Variants in ERC2 observed in about 807,000 individuals in gnomAD.
ERC2 encodes the protein ELKS/RAB6-interacting/CAST family member 2.
ERC2 carries 42 observed loss-of-function variants against 114.8 expected under a neutral mutation model. That is an observed-to-expected ratio of 0.37 (90% CI 0.29 to 0.47). ERC2 has a LOEUF of 0.47. Among genes scored for constraint, ERC2 ranks in the 20% least tolerant of loss-of-function variants. ERC2 has a pLI of 0.99. For synonymous variants in ERC2, 454 were observed against 425.5 expected (o/e 1.07, Z -0.82); for missense variants, 939 against 1,150.7 (o/e 0.82, Z 2.66).
chr3:55,580,438 C>T (rs2057204229), intron 17 of ERC2, among the ~76,000 whole-genome samples: 1 of 152,136 alleles, frequency 6.6e-6, no homozygotes, highest in African/African-American at 2.4e-5. Context: ...CAAGAGAGAC[C>T]AAATGCATTT....
intron 6 of ERC2, among the ~76,000 whole-genome samples, chr3:56,093,810 T>C (rs1432265484): frequency 2.6e-5 from 4 of 152,156 alleles, no homozygotes; most frequent in Non-Finnish European, 5.9e-5. Flanking sequence ...GGTTGTTTAT[T>C]TGAAAAAAAG....
chr3:55,591,613 G>C (rs939912351), intron 17 of ERC2, among the ~76,000 whole-genome samples: 1 of 151,826 alleles, frequency 6.6e-6, no homozygotes, highest in Admixed American at 6.6e-5. Flanking sequence ...GCGCGCGTGT[G>C]GTTTTGACCA....
At chr3:56,463,781 ACT>A (rs2063422209) in intron 1 of ERC2, among the ~76,000 whole-genome samples, 1 of 151,854 alleles carries the variant, frequency 6.6e-6, no homozygotes, top group African/African-American at 2.4e-5. Context: ...TGCATCTCCA[ACT>A]CTCTCCCTGC....
chr3:56,456,017 G>A (rs1228255711), intron 1 of ERC2, among the ~76,000 whole-genome samples: 1 of 152,192 alleles, frequency 6.6e-6, no homozygotes, highest in Non-Finnish European at 1.5e-5. Flanking sequence ...GGAATTAGAG[G>A]GCTGTGGGGT....
intron 6 of ERC2, among the ~76,000 whole-genome samples, chr3:56,129,855 T>A (rs891626393): frequency 7.2e-5 from 11 of 152,198 alleles, no homozygotes; most frequent in Non-Finnish European, 1.5e-5. Flanking sequence ...AGATTTAATG[T>A]AGAAATTAAA....
intron 17 of ERC2, among the ~76,000 whole-genome samples, chr3:55,528,062 A>AG (rs1296792330): frequency 3.3e-5 from 5 of 152,238 alleles, no homozygotes; most frequent in African/African-American, 1.2e-4. Flanking sequence ...GGGCTTCATA[A>AG]GCAGCACTGA....
chr3:55,810,217 CAAAATATAAAGAT>C (rs2059662262), intron 14 of ERC2, among the ~76,000 whole-genome samples: 1 of 151,928 alleles, frequency 6.6e-6, no homozygotes, highest in Admixed American at 6.6e-5. Flanking sequence ...GAAGAAAATC[CAAAATATAAAGAT>C]AAGGAAAAAT....
chr3:56,420,490 C>A (rs536465258), intron 2 of ERC2, among the ~76,000 whole-genome samples: 14 of 152,034 alleles, frequency 9.2e-5, no homozygotes, highest in African/African-American at 2.7e-4. Context: ...ATTATACTTA[C>A]AACGAAAACC....
rs113564429 is a variant in ERC2 at position 55,864,184 on chromosome 3, C to CAT, written c.2564+24203_2564+24204dup. Among the ~76,000 whole-genome samples the CAT allele has an allele frequency of 2.3e-3, 305 of 134,308 alleles. 3 individuals carry two copies. Among genetic ancestry groups the CAT allele is most frequent in the South Asian group, 0.01 (44 of 4,244 alleles). 88.1% of individuals were successfully genotyped at this position (134,308 alleles called of 152,430 possible). A position where few individuals can be genotyped will look rare whatever the true frequency, so the allele number is the denominator to read the frequency against. On this transcript the variant is annotated intron_variant, in intron 14 of 17. Coordinates refer to ENST00000288221, the MANE Select transcript of ERC2 (RefSeq NM_015576.3). ...ATATATATACACATATATATATACA[C>CAT]ATATATATATACACATATATATACA...
intron 17 of ERC2, among the ~76,000 whole-genome samples, chr3:55,593,916 C>G (rs1412089810): frequency 6.6e-6 from 1 of 152,154 alleles, no homozygotes; most frequent in African/African-American, 2.4e-5. Flanking sequence ...CTCGACTCTC[C>G]ATCTTTTACC....
intron 2 of ERC2, among the ~76,000 whole-genome samples, chr3:56,340,396 G>T (rs1340380189): frequency 6.6e-6 from 1 of 152,124 alleles, no homozygotes; most frequent in East Asian, 1.9e-4. Flanking sequence ...TACCTCAGCA[G>T]GGTATCAAAA....
chr3:55,724,280 C>T (rs150280463), intron 15 of ERC2, among the ~76,000 whole-genome samples: 3 of 152,150 alleles, frequency 2.0e-5, no homozygotes, highest in East Asian at 3.9e-4. Context: ...CAGGTCATGG[C>T]GGGAGCCAGC....
intron 12 of ERC2, among the ~76,000 whole-genome samples, chr3:55,985,481 C>T (rs2149513061): frequency 6.6e-6 from 1 of 152,140 alleles, no homozygotes; most frequent in East Asian, 1.9e-4. Flanking sequence ...TCAAAAGTGA[C>T]TTTTTAAACA....
chr3:55,560,694 T>G (rs1184579759), intron 17 of ERC2, among the ~76,000 whole-genome samples: 1 of 152,152 alleles, frequency 6.6e-6, no homozygotes, highest in Non-Finnish European at 1.5e-5. Context: ...ACCCATAAAA[T>G]TCTGATATGT....
intron 6 of ERC2, among the ~76,000 whole-genome samples, chr3:56,105,348 A>G (rs1041865148): frequency 6.6e-6 from 1 of 151,490 alleles, no homozygotes. Context: ...TCTGTTGCCC[A>G]AGCTAGAGTA....
intron 3 of ERC2, among the ~76,000 whole-genome samples, chr3:56,199,143 T>C (rs2048272210): frequency 6.6e-6 from 1 of 152,168 alleles, no homozygotes; most frequent in Admixed American, 6.5e-5. Flanking sequence ...GAAGCAAATT[T>C]TAACACTCAA....
chr3:55,951,113 C>A (rs187588524), intron 12 of ERC2, among the ~76,000 whole-genome samples: 1 of 152,194 alleles, frequency 6.6e-6, no homozygotes, highest in Admixed American at 6.5e-5. Flanking sequence ...GAGGCTAATC[C>A]AGGGAAGGGT....
intron 12 of ERC2, among the ~76,000 whole-genome samples, chr3:55,973,611 A>G (rs1288039839): frequency 1.3e-5 from 2 of 152,200 alleles, no homozygotes; most frequent in Non-Finnish European, 2.9e-5. Context: ...GCAGATTACA[A>G]ATAACCTCAC....
chr3:56,267,911 A>G (rs1384588684), intron 3 of ERC2, among the ~76,000 whole-genome samples: 1 of 152,234 alleles, frequency 6.6e-6, no homozygotes, highest in African/African-American at 2.4e-5. Context: ...ATTATTAACT[A>G]TAGTTTTATA....
Sources: allele counts gnomAD v4.1 joint callset (sites outside exome capture counted in the v4.1 genomes callset), GRCh38; gene constraint gnomAD v4.1.1; transcripts MANE v1.5; gene names NCBI Gene and HGNC (gene_info 2026-07-23, HGNC 2026-07-21).